TLE4: variants seen among roughly 807,000 people sequenced by gnomAD.
TLE4 encodes TLE family member 4, transcriptional corepressor, also known as transducin-like enhancer protein 4.
A neutral mutation model predicts 92.8 loss-of-function variants in TLE4; 8 were observed. The ratio of observed to expected loss-of-function variants is 0.09; its 90% CI spans 0.05 to 0.16. The LOEUF (loss-of-function observed/expected upper bound fraction) is 0.16, where lower values mean the gene tolerates loss of function less well. Among genes scored for constraint, TLE4 ranks in the 10% least tolerant of loss-of-function variants. The pLI is 1.00. For missense variants in TLE4, 675 were observed against 997.6 expected (o/e 0.68, Z 4.36); for synonymous variants, 371 against 374.1 (o/e 0.99, Z 0.10).
rs868749945 is a variant in TLE4 at position 79,592,171 on chromosome 9, C to T, written c.252+15994C>T. ...TTCTTTCTTCTTCTTCTTCTTCTTCCTCTTCCTCTTCCTCTTCTTCTTCTT... is the reference window on the plus strand; with the variant it reads ...TTCTTTCTTCTTCTTCTTCTTCTTCTTCTTCCTCTTCCTCTTCTTCTTCTT... On this transcript the variant is annotated intron_variant, in intron 4 of 19. Coordinates refer to ENST00000376552, the MANE Select transcript of TLE4 (RefSeq NM_007005.6). Among the ~76,000 whole-genome samples the T allele has an allele frequency of 3.5e-3, 402 of 113,520 alleles. 3 individuals carry two copies. The highest frequency in any genetic ancestry group is 0.017 in the Admixed American group (192 of 11,010). 74.5% of individuals were successfully genotyped at this position (113,520 alleles called of 152,430 possible). A position where few individuals can be genotyped will look rare whatever the true frequency, so the allele number is the denominator to read the frequency against.
chr9:79,678,190 T>A (rs2063648398), intron 8 of TLE4, among the ~76,000 whole-genome samples: 1 of 152,098 alleles, frequency 6.6e-6, no homozygotes, highest in Admixed American at 6.6e-5. Context: ...CAGATAATGA[T>A]CTTCATCAAG....
chr9:79,583,257 T>TC (rs1251195214), intron 4 of TLE4, among the ~76,000 whole-genome samples: 2 of 152,160 alleles, frequency 1.3e-5, no homozygotes, highest in Non-Finnish European at 2.9e-5. Context: ...CCTTATTCCA[T>TC]CCAGGGGTGA....
At chr9:79,625,674 A>C (rs2052431449) in intron 5 of TLE4, among the ~76,000 whole-genome samples, 1 of 152,136 alleles carries the variant, frequency 6.6e-6, no homozygotes, top group Non-Finnish European at 1.5e-5. Flanking sequence ...CTCAACATAC[A>C]TACATGGTCA....
chr9:79,574,954 C>T lies in TLE4; in HGVS notation c.207+18C>T. 1 of 1,609,852 alleles carries T rather than the reference C, an allele frequency of 6.2e-7. No individual in the cohort carries two copies. Among genetic ancestry groups the T allele is most frequent in the Non-Finnish European group, 8.5e-7 (1 of 1,176,454 alleles). ...ATGTCATGGTAAGAAAACCATGTCA[C>T]AGATTCAAAGTGCCTATTAGTTTGG... On this transcript the variant is annotated intron_variant, in intron 3 of 19. Coordinates refer to ENST00000376552, the MANE Select transcript of TLE4 (RefSeq NM_007005.6).
In TLE4 at chr9:79,720,261, T is replaced by A. The variant is rs371924247; in HGVS notation, c.1806T>A (p.Ala602=). The A allele has an allele frequency of 8.1e-6, 13 of 1,613,874 alleles. No individual in the cohort carries two copies. Among genetic ancestry groups the A allele is most frequent in the Non-Finnish European group, 1.1e-5 (13 of 1,179,942 alleles). Residue 602 remains alanine (A), a synonymous_variant, in exon 16 of 20, where the codon GCT becomes GCA. Transcript: ENST00000376552. ...CATGCTGCAGCGACGGCAACATCGC[T>A]GTGTGGGATCTGCACAACCAGACCT... ...CFSCCSDGNI[A]VWDLHNQTLV...
chr9:79,607,404 C>T (rs764601964), intron 4 of TLE4, among the ~76,000 whole-genome samples: 15 of 151,968 alleles, frequency 9.9e-5, no homozygotes, highest in Non-Finnish European at 1.8e-4. Flanking sequence ...ATTTTGGCTT[C>T]TGTTGCCATT....
At chr9:79,586,361 C>CA (rs796367203) in intron 4 of TLE4, among the ~76,000 whole-genome samples, 1,266 of 107,548 alleles carry the variant, frequency 0.012, 13 homozygotes, top group African/African-American at 0.033. Context: ...GACTCTGTCA[C>CA]AAAAAAAAAA....
intron 8 of TLE4, among the ~76,000 whole-genome samples, chr9:79,673,781 C>G (rs894475445): frequency 2.0e-5 from 3 of 152,122 alleles, no homozygotes; most frequent in African/African-American, 7.2e-5. Context: ...CAGGGTACAA[C>G]CTGATCAAAT....
chr9:79,637,466 G>T (rs1051037704), intron 6 of TLE4, among the ~76,000 whole-genome samples: 14 of 152,204 alleles, frequency 9.2e-5, no homozygotes, highest in Admixed American at 9.2e-4. Flanking sequence ...TCTCTTATTT[G>T]TTCTCTTGAC....
intron 14 of TLE4, among the ~76,000 whole-genome samples, chr9:79,715,188 A>G (rs552123864): frequency 4.6e-5 from 7 of 152,338 alleles, no homozygotes; most frequent in Admixed American, 6.5e-5. Flanking sequence ...TTGAAATCTC[A>G]GTGCTCTTTA....
intron 8 of TLE4, among the ~76,000 whole-genome samples, chr9:79,673,217 G>A (rs1442697415): frequency 3.3e-5 from 5 of 152,182 alleles, no homozygotes; most frequent in African/African-American, 1.2e-4. Flanking sequence ...TAAAGAGCTA[G>A]TTGTGTTTGG....
At position 79,709,648 on chromosome 9, in the gene TLE4, T is replaced by G; in HGVS notation, c.1289T>G (p.Met430Arg). ...GTGGGATTTGATCCACACCATCACA[T>G]GCGTGTGCCAGCAATACCTCCAAAC... ...PVVGFDPHHH[M>R]RVPAIPPNLT... The change falls in exon 14 of 20, where the codon ATG (methionine) becomes AGG (arginine). Residue 430 changes from methionine (M) to arginine (R), a missense_variant. Physicochemically the swap from Met to Arg is moderately conservative, Grantham distance 91. This residue lies in a region of TLE4 where 119 missense variants were observed against 175.9 expected (regional missense o/e 0.68). Coordinates refer to ENST00000376552, the MANE Select transcript of TLE4 (RefSeq NM_007005.6). 1 of 1,614,134 alleles carries G rather than the reference T, an allele frequency of 6.2e-7. No homozygotes were observed. The highest frequency in any genetic ancestry group is 8.5e-7 in the Non-Finnish European group (1 of 1,180,004).
rs2076391143 is a variant in TLE4, at chr9:79,726,545, A to G, written c.*1401A>G. On this transcript the variant is annotated 3_prime_UTR_variant, in exon 20 of 20. Transcript: ENST00000376552. The stretch of plus-strand genomic sequence containing the variant: ...TGACGTTCCTAATGTGGTAGCAGAA[A>G]AAAAAAAATGGTGTCTTAAGTGCTT... 1.2e-4 allele frequency: 1 copy of G among 8,028 alleles called. No homozygotes were observed. Among genetic ancestry groups the G allele is most frequent in the African/African-American group, 3.4e-4 (1 of 2,940 alleles). 0.5% of individuals were successfully genotyped at this position (8,028 alleles called of 1,614,324 possible).
chr9:79,608,431 A>T (rs573268750), intron 4 of TLE4, among the ~76,000 whole-genome samples: 1 of 152,100 alleles, frequency 6.6e-6, no homozygotes, highest in Non-Finnish European at 1.5e-5. Flanking sequence ...ATAAGGTTGC[A>T]AGATTTATTT....
rs1413818674 is a variant in TLE4, at chr9:79,574,956, G to C, written c.207+20G>C. ...GTCATGGTAAGAAAACCATGTCACA[G>C]ATTCAAAGTGCCTATTAGTTTGGAA... is the stretch of plus-strand genomic sequence containing the variant. On this transcript the variant is annotated intron_variant, in intron 3 of 19. Transcript: ENST00000376552. The C allele has an allele frequency of 3.7e-6, 6 of 1,605,844 alleles. No homozygotes were observed. The highest frequency in any genetic ancestry group is 4.3e-6 in the Non-Finnish European group (5 of 1,172,874).
chr9:79,572,465 A>AGCGGCGGCC lies in TLE4; in HGVS notation c.-319_-311dup, dbSNP rs1322613979. On this transcript the variant is annotated 5_prime_UTR_variant, in exon 1 of 20. Transcript: ENST00000376552. ...GAGCCCGCACTTTCCCGGCCGGGTG[A>AGCGGCGGCC]GCGGCGGCCGCGGCGCCGGGCTCGG... 2.6e-5 allele frequency: 4 copies of AGCGGCGGCC among 152,566 alleles called. No individual in the cohort carries two copies. Among genetic ancestry groups the AGCGGCGGCC allele is most frequent in the African/African-American group, 9.7e-5 (4 of 41,286 alleles). 9.5% of individuals were successfully genotyped at this position (152,566 alleles called of 1,614,324 possible).
At chr9:79,679,335 C>G (rs377712905) in intron 8 of TLE4, among the ~76,000 whole-genome samples, 1 of 151,966 alleles carries the variant, frequency 6.6e-6, no homozygotes, top group Non-Finnish European at 1.5e-5. Flanking sequence ...GATGGTATCT[C>G]ATTGTGGTTT....
intron 15 of TLE4, among the ~76,000 whole-genome samples, chr9:79,719,244 T>G (rs1240969588): frequency 6.6e-6 from 1 of 152,074 alleles, no homozygotes; most frequent in Non-Finnish European, 1.5e-5. Flanking sequence ...TCTCTGATGG[T>G]TAAGCAAACT....
chr9:79,675,663 A>G (rs180866311), intron 8 of TLE4, among the ~76,000 whole-genome samples: 49 of 152,304 alleles, frequency 3.2e-4, no homozygotes, highest in African/African-American at 1.1e-3. Context: ...ATCATTTTCA[A>G]GGTTCTTCTT....
Sources: allele counts gnomAD v4.1 joint callset (sites outside exome capture counted in the v4.1 genomes callset), GRCh38; gene constraint gnomAD v4.1.1; regional missense constraint gnomAD v4.1.1; transcripts MANE v1.5; gene names NCBI Gene and HGNC (gene_info 2026-07-23, HGNC 2026-07-21).